The following SMARCC1 variants were observed in gnomAD, a reference collection of about 807,000 sequenced individuals.
The protein encoded by SMARCC1 is SWI/SNF related BAF chromatin remodeling complex subunit C1.
A neutral mutation model predicts 147.4 loss-of-function variants in SMARCC1; 43 were observed. That is an observed-to-expected ratio of 0.29 (90% CI 0.23 to 0.38). SMARCC1 has a LOEUF of 0.38. Ranked by LOEUF, SMARCC1 falls within the 10% of genes least tolerant of loss-of-function variation. SMARCC1 has a pLI of 1.00. For synonymous variants in SMARCC1, 495 were observed against 484.4 expected (o/e 1.02, Z -0.29); for missense variants, 1,119 against 1,381.1 (o/e 0.81, Z 3.01).
intron 8 of SMARCC1, among the ~76,000 whole-genome samples, chr3:47,711,090 G>A (rs909437134): frequency 9.2e-5 from 14 of 152,152 alleles, no homozygotes; most frequent in African/African-American, 3.1e-4. Flanking sequence ...TTATGTTCAT[G>A]AAAATCACTG....
At chr3:47,618,771 G>A (rs758052354) in intron 25 of SMARCC1, among the ~76,000 whole-genome samples, 6 of 151,982 alleles carry the variant, frequency 3.9e-5, no homozygotes, top group Non-Finnish European at 7.4e-5. Flanking sequence ...TTAAAAAACC[G>A]GGGGACCTGC....
chr3:47,750,631 GAAT>G (rs2034618656), intron 2 of SMARCC1, among the ~76,000 whole-genome samples: 1 of 152,010 alleles, frequency 6.6e-6, no homozygotes, highest in Non-Finnish European at 1.5e-5. Flanking sequence ...ATTTAATGTG[GAAT>G]ATGAATTCCT....
intron 9 of SMARCC1, among the ~76,000 whole-genome samples, chr3:47,708,092 T>TTTTTC (rs2034035411): frequency 1.4e-5 from 1 of 72,840 alleles, no homozygotes; most frequent in Non-Finnish European, 2.8e-5. Context: ...TCTTTTTTTT[T>TTTTTC]TTTTTTTTTT....
At chr3:47,709,761 A>T (rs1358226795) in intron 9 of SMARCC1, among the ~76,000 whole-genome samples, 1 of 152,186 alleles carries the variant, frequency 6.6e-6, no homozygotes, top group Non-Finnish European at 1.5e-5. Context: ...TCTAAAAGCT[A>T]TCACAAACCC....
At chr3:47,753,326 A>T (rs78477868) in intron 2 of SMARCC1, among the ~76,000 whole-genome samples, 2 of 77,874 alleles carry the variant, frequency 2.6e-5, no homozygotes, top group Admixed American at 1.6e-4. Flanking sequence ...CTCCATCTCC[A>T]AAAAAAAAAA....
At chr3:47,693,930 C>T (rs999544031) in intron 11 of SMARCC1, among the ~76,000 whole-genome samples, 1 of 152,152 alleles carries the variant, frequency 6.6e-6, no homozygotes, top group South Asian at 2.1e-4. Flanking sequence ...CCCAAAATGC[C>T]GGGATCACAG....
At chr3:47,635,923 C>T (rs1306674032) in intron 23 of SMARCC1, 99 bp downstream of exon 23, 1 of 660,708 alleles carries the variant, frequency 1.5e-6, no homozygotes, top group African/African-American at 1.8e-5. Context: ...GAAACAAACC[C>T]AAAATAAATG....
At chr3:47,660,290 C>CA (rs972961337) in intron 21 of SMARCC1, among the ~76,000 whole-genome samples, 1 of 151,308 alleles carries the variant, frequency 6.6e-6, no homozygotes, top group African/African-American at 2.4e-5. Context: ...ACTAAAAATA[C>CA]AAAAAATTAG....
intron 26 of SMARCC1, among the ~76,000 whole-genome samples, chr3:47,609,303 T>C (rs1190979090): frequency 6.6e-6 from 1 of 152,158 alleles, no homozygotes; most frequent in Non-Finnish European, 1.5e-5. Flanking sequence ...GAGACCATCC[T>C]GGCGAACACG....
chr3:47,624,485 T>C (rs1020203250), intron 24 of SMARCC1, among the ~76,000 whole-genome samples: 2 of 152,192 alleles, frequency 1.3e-5, no homozygotes, highest in East Asian at 3.8e-4. Flanking sequence ...TAAAATGAGA[T>C]GTTTGAAAAC....
chr3:47,614,563 C>T (rs1260406992), intron 25 of SMARCC1, among the ~76,000 whole-genome samples: 1 of 152,152 alleles, frequency 6.6e-6, no homozygotes, highest in Non-Finnish European at 1.5e-5. Flanking sequence ...ACAAATTTTT[C>T]TAAACTTACT....
rs2034130980 is a variant in SMARCC1 at position 47,714,450 on chromosome 3, T to A, written c.757A>T (p.Ile253Phe). 6.3e-7 allele frequency: 1 copy of A among 1,596,090 alleles called. No individual in the cohort carries two copies. Among genetic ancestry groups the A allele is most frequent in the South Asian group, 1.1e-5 (1 of 90,044 alleles). The change falls in exon 8 of 28, where the codon ATT becomes TTT. Residue 253 changes from isoleucine (I) to phenylalanine (F), a missense_variant. Ile to Phe is a conservative substitution (Grantham distance 21). This residue lies in a region of SMARCC1 where 542 missense variants were observed against 611.8 expected (regional missense o/e 0.89). Coordinates refer to ENST00000254480, the MANE Select transcript of SMARCC1 (RefSeq NM_003074.4). ...TTTTCTGGAATTGGTGGATCTTCAA[T>A]TTCAGCATCAACATCATTACTATGG... ...WVHSNDVDAE[I>F]EDPPIPEKPW...
In SMARCC1 at chr3:47,635,396, T is replaced by C. The variant is rs1237843895; in HGVS notation, c.2492-52A>G. 5 of 1,489,410 alleles carry C rather than the reference T, an allele frequency of 3.4e-6. No individual in the cohort carries two copies. In the African/African-American group the frequency reaches 4.4e-5, roughly 13 times the overall value. The allele number at this position is 1,489,410 out of a possible 1,614,324, so 92.3% of individuals were successfully genotyped here. On this transcript the variant is annotated intron_variant, in intron 23 of 27. Transcript: ENST00000254480. ...TAGCGTGCCCACTCTCGAAAACCCA[T>C]CTTTCTCCTTACCTCCACCACTATA...
intron 14 of SMARCC1, among the ~76,000 whole-genome samples, chr3:47,681,940 T>C (rs543697370): frequency 6.6e-6 from 1 of 152,338 alleles, no homozygotes; most frequent in South Asian, 2.1e-4. Flanking sequence ...TAACTGCATG[T>C]AGTGTGACAT....
chr3:47,634,969 A>C (rs915688270), intron 24 of SMARCC1, among the ~76,000 whole-genome samples: 2 of 152,248 alleles, frequency 1.3e-5, no homozygotes, highest in African/African-American at 4.8e-5. Flanking sequence ...ACAAGGCTAA[A>C]TGGTATAATG....
At chr3:47,698,005 C>CAAA (rs71070213) in intron 11 of SMARCC1, among the ~76,000 whole-genome samples, 154 of 12,460 alleles carry the variant, frequency 0.012, 46 homozygotes, top group Non-Finnish European at 0.015. Context: ...GCCTCCGCCT[C>CAAA]AAAAAAAAAA....
At chr3:47,730,788 C>T (rs1237524242) in intron 5 of SMARCC1, among the ~76,000 whole-genome samples, 2 of 151,920 alleles carry the variant, frequency 1.3e-5, no homozygotes, top group East Asian at 1.9e-4. Flanking sequence ...ATCCCTTGAA[C>T]CCCGGAGGCA....
At chr3:47,780,766 G>A (rs569613997) in intron 1 of SMARCC1, among the ~76,000 whole-genome samples, 47 of 152,046 alleles carry the variant, frequency 3.1e-4, no homozygotes, top group Non-Finnish European at 5.7e-4. Context: ...GAGCCTTTTC[G>A]GCTACCTGCT....
At chr3:47,685,972 G>T (rs898416186) in intron 14 of SMARCC1, 77 bp downstream of exon 14, 1 of 1,241,132 alleles carries the variant, frequency 8.1e-7, no homozygotes, top group African/African-American at 1.5e-5. Flanking sequence ...AACATGGGCA[G>T]AAAGGCACAA....
Sources: allele counts gnomAD v4.1 joint callset (sites outside exome capture counted in the v4.1 genomes callset), GRCh38; gene constraint gnomAD v4.1.1; regional missense constraint gnomAD v4.1.1; transcripts MANE v1.5; gene names NCBI Gene and HGNC (gene_info 2026-07-23, HGNC 2026-07-21).